The following PTPN14 variants were observed in gnomAD, a reference collection of about 807,000 sequenced individuals.
The protein encoded by PTPN14 is tyrosine-protein phosphatase non-receptor type 14.
In PTPN14, 53 loss-of-function variants were observed where a neutral mutation model predicts 126.8. The ratio of observed to expected loss-of-function variants is 0.42; its 90% CI spans 0.34 to 0.53. PTPN14 has a LOEUF of 0.53. Ranked by LOEUF, PTPN14 falls within the 20% of genes least tolerant of loss-of-function variation. The probability of loss-of-function intolerance (pLI) is 0.08; values close to 1 mark genes in which losing one functional copy is unlikely to be tolerated. For synonymous variants in PTPN14, 630 were observed against 599.3 expected (o/e 1.05, Z -0.75); for missense variants, 1,257 against 1,552.9 (o/e 0.81, Z 3.20).
chr1:214,468,249 G>T (rs1558116743), intron 1 of PTPN14, among the ~76,000 whole-genome samples: 1 of 152,102 alleles, frequency 6.6e-6, no homozygotes, highest in Admixed American at 6.6e-5. Flanking sequence ...CTTTCCAATG[G>T]TTTTTTTGCA....
rs900291177 is a variant in PTPN14, at chr1:214,384,998, A to G, written c.1067-210T>C. ...GAACACCTTAAGACATACTGAAAAG[A>G]AAAAGGGAACCTAATGGAAGAAGGC... On this transcript the variant is annotated intron_variant, in intron 12 of 18. Coordinates refer to ENST00000366956, the MANE Select transcript of PTPN14 (RefSeq NM_005401.5). This position sits in a 1 kb window ranked among gnomAD's most constrained non-coding sequence, Gnocchi z 5.3. Among the ~76,000 whole-genome samples the G allele has an allele frequency of 6.6e-6, 1 of 152,200 alleles. No homozygotes were observed. Among genetic ancestry groups the G allele is most frequent in the Non-Finnish European group, 1.5e-5 (1 of 68,028 alleles).
At chr1:214,493,549 T>TA (rs536246341) in intron 1 of PTPN14, among the ~76,000 whole-genome samples, 1 of 151,902 alleles carries the variant, frequency 6.6e-6, no homozygotes, top group Non-Finnish European at 1.5e-5. Flanking sequence ...AAAAAAGTAT[T>TA]AAAAAAAGAA....
At chr1:214,366,143 A>C (rs573712417) in intron 17 of PTPN14, among the ~76,000 whole-genome samples, 1 of 152,236 alleles carries the variant, frequency 6.6e-6, no homozygotes, top group South Asian at 2.1e-4. Context: ...CCGCCACTGC[A>C]CCCCAGCCTG....
At chr1:214,406,564 G>T (rs1030163718) in intron 5 of PTPN14, among the ~76,000 whole-genome samples, 31 of 151,638 alleles carry the variant, frequency 2.0e-4, no homozygotes, top group Non-Finnish European at 5.9e-5. Flanking sequence ...ATTTAAATTT[G>T]AATATAAATA....
chr1:214,390,965 A>G, intron 11 of PTPN14, 23 bp downstream of exon 11: 1 of 1,464,632 alleles, frequency 6.8e-7, no homozygotes, highest in South Asian at 1.4e-5. Flanking sequence ...AGATCACTTG[A>G]TCACTGCAGC....
At position 214,541,206 on chromosome 1, in the gene PTPN14, T is replaced by C. The variant is rs74140203; in HGVS notation, c.-155+9977A>G. 1.0e-2 allele frequency among the ~76,000 whole-genome samples: 1,519 copies of C among 152,146 alleles called. 23 individuals carry two copies. The highest frequency in any genetic ancestry group is 0.035 in the African/African-American group (1,442 of 41,510). ...CTCCAAAAAGGACATAAAAATCATA[T>C]ACACATTAAAGAATCAGAAAGAGAT... On this transcript the variant is annotated intron_variant, in intron 1 of 18. Transcript: ENST00000366956.
At position 214,524,606 on chromosome 1, in the gene PTPN14, C is replaced by A. The variant is rs193126442; in HGVS notation, c.-155+26577G>T. On this transcript the variant is annotated intron_variant, in intron 1 of 18. Coordinates refer to ENST00000366956, the MANE Select transcript of PTPN14 (RefSeq NM_005401.5). ...GGTCAAGGCTGCAGTGGGCTATGAT[C>A]GTGCCACTGCATTCCAGCCTGGACA... 2.0e-5 allele frequency among the ~76,000 whole-genome samples: 3 copies of A among 152,130 alleles called. No individual in the cohort carries two copies. In the East Asian group the frequency reaches 5.8e-4, roughly 30 times the overall value.
intron 3 of PTPN14, among the ~76,000 whole-genome samples, chr1:214,421,689 T>C (rs138689443): frequency 8.3e-4 from 126 of 151,612 alleles, no homozygotes; most frequent in Non-Finnish European, 1.6e-3. Flanking sequence ...GTCAAAACTA[T>C]TTTTTTTTCC....
chr1:214,424,588 T>C (rs1659618844), intron 3 of PTPN14, among the ~76,000 whole-genome samples: 1 of 151,770 alleles, frequency 6.6e-6, no homozygotes, highest in African/African-American at 2.4e-5. Context: ...AGTGCAGTGA[T>C]GCAATCTTGG....
chr1:214,494,868 C>T (rs76706060), intron 1 of PTPN14, among the ~76,000 whole-genome samples: 8,231 of 152,238 alleles, frequency 0.054, 262 homozygotes, highest in South Asian at 0.15. Flanking sequence ...ACACTGACCA[C>T]GTGTCATCTT....
At chr1:214,506,857 T>C (rs1267317521) in intron 1 of PTPN14, among the ~76,000 whole-genome samples, 1 of 151,788 alleles carries the variant, frequency 6.6e-6, no homozygotes, top group Non-Finnish European at 1.5e-5. Context: ...AACAAGAATG[T>C]CTCGGTGGCA....
intron 14 of PTPN14, among the ~76,000 whole-genome samples, chr1:214,376,922 T>TA (rs1558075030): frequency 1.3e-5 from 2 of 152,232 alleles, no homozygotes; most frequent in Admixed American, 6.5e-5. Context: ...CTTCTGGCTT[T>TA]AAAAACATTC....
In PTPN14 at chr1:214,364,766, A is replaced by AGTGAGT. The variant is rs772392510; in HGVS notation, c.3272-92_3272-91insACTCAC. On this transcript the variant is annotated intron_variant, in intron 17 of 18. Transcript: ENST00000366956. The surrounding 1 kb of genome is among the most constrained non-coding windows in gnomAD (Gnocchi z 4.1). ...GGGGAGCGGAAGAGAACTGATGGTGAGTGTGTGTGTGTGTGTGTGTGTGTG... is the reference window on the plus strand; with the variant it reads ...GGGGAGCGGAAGAGAACTGATGGTGAGTGAGTGTGTGTGTGTGTGTGTGTGTGTGTG... 9 of 591,986 alleles carry AGTGAGT rather than the reference A, an allele frequency of 1.5e-5. No homozygotes were observed. Among genetic ancestry groups the AGTGAGT allele is most frequent in the Non-Finnish European group, 2.5e-5 (9 of 364,278 alleles). 36.7% of individuals were successfully genotyped at this position (591,986 alleles called of 1,614,324 possible).
At chr1:214,530,224 G>A (rs1655505801) in intron 1 of PTPN14, 1 of 152,022 alleles carries the variant, frequency 6.6e-6, no homozygotes, top group Non-Finnish European at 1.5e-5. Context: ...ATTAGGGAGT[G>A]AACATGGTAA....
At chr1:214,425,930 C>T (rs1319151520) in intron 3 of PTPN14, among the ~76,000 whole-genome samples, 1 of 147,322 alleles carries the variant, frequency 6.8e-6, no homozygotes, top group Non-Finnish European at 1.5e-5. Context: ...GGGTAGGTGA[C>T]TTGCCAAGTC....
At chr1:214,509,303 C>T (rs1171237331) in intron 1 of PTPN14, among the ~76,000 whole-genome samples, 2 of 152,230 alleles carry the variant, frequency 1.3e-5, no homozygotes, top group Non-Finnish European at 2.9e-5. Flanking sequence ...TACATCAGCA[C>T]TTGCTGCTTA....
chr1:214,439,284 C>A (rs545113199), intron 3 of PTPN14, among the ~76,000 whole-genome samples: 17 of 152,282 alleles, frequency 1.1e-4, no homozygotes, highest in African/African-American at 3.8e-4. Flanking sequence ...TTTCAAGGAT[C>A]CAAATTACCG....
chr1:214,500,954 A>G (rs957087370), intron 1 of PTPN14, among the ~76,000 whole-genome samples: 1 of 152,192 alleles, frequency 6.6e-6, no homozygotes, highest in Non-Finnish European at 1.5e-5. Context: ...CATTACTGCT[A>G]GAAACTATGT....
At chr1:214,547,302 T>A (rs1655996341) in intron 1 of PTPN14, among the ~76,000 whole-genome samples, 1 of 152,190 alleles carries the variant, frequency 6.6e-6, no homozygotes, top group South Asian at 2.1e-4. Context: ...TAGGATACCT[T>A]CATATGATCT....
Sources: allele counts gnomAD v4.1 joint callset (sites outside exome capture counted in the v4.1 genomes callset), GRCh38; gene constraint gnomAD v4.1.1; non-coding constraint Gnocchi (gnomAD v3.1); transcripts MANE v1.5; gene names NCBI Gene and HGNC (gene_info 2026-07-23, HGNC 2026-07-21).